CNTN5: variants seen among roughly 807,000 people sequenced by gnomAD.
CNTN5 encodes contactin-5.
In CNTN5, 77 loss-of-function variants were observed where a neutral mutation model predicts 129.1. The ratio of observed to expected loss-of-function variants is 0.60; its 90% CI spans 0.50 to 0.72. The LOEUF (loss-of-function observed/expected upper bound fraction) is 0.72, where lower values mean the gene tolerates loss of function less well. CNTN5 is among the 30% of genes least tolerant of loss of function. The pLI, the probability that CNTN5 is intolerant of heterozygous loss-of-function variation, is 0.00. For missense variants in CNTN5, 1,478 were observed against 1,328.8 expected (o/e 1.11, Z -1.75); for synonymous variants, 509 against 465.6 (o/e 1.09, Z -1.20).
intron 3 of CNTN5, among the ~76,000 whole-genome samples, chr11:99,564,009 T>A (rs1051001229): frequency 1.7e-4 from 26 of 152,196 alleles, no homozygotes; most frequent in Non-Finnish European, 3.1e-4. Flanking sequence ...GTGGGCTCAT[T>A]TTTTACTCTA....
At chr11:99,100,361 T>G (rs1565316864) in intron 1 of CNTN5, among the ~76,000 whole-genome samples, 2 of 152,144 alleles carry the variant, frequency 1.3e-5, no homozygotes, top group African/African-American at 4.8e-5. Context: ...AGAACAATAT[T>G]CTTCAACTTC....
At position 99,582,578 on chromosome 11, in the gene CNTN5, G is replaced by A. The variant is rs191217935; in HGVS notation, c.55+26309G>A. On this transcript the variant is annotated intron_variant, in intron 3 of 24. Coordinates refer to ENST00000524871, the MANE Select transcript of CNTN5 (RefSeq NM_014361.4). ...CTTCATGCTTCATTTCATTCATTTC[G>A]TCTTCCATCGCTGATACCCTTTCTT... Among the ~76,000 whole-genome samples, 385 of 151,522 alleles carry A rather than the reference G, an allele frequency of 2.5e-3. 1 individual carries two copies. The highest frequency in any genetic ancestry group is 0.019 in the South Asian group (91 of 4,778).
intron 20 of CNTN5, among the ~76,000 whole-genome samples, chr11:100,304,890 A>G (rs1005593112): frequency 1.3e-5 from 2 of 151,258 alleles, no homozygotes; most frequent in Non-Finnish European, 3.0e-5. Context: ...AATTAAGAAC[A>G]GGGTTTGGAA....
At chr11:99,979,544 G>A (rs1938206929) in intron 8 of CNTN5, among the ~76,000 whole-genome samples, 1 of 152,162 alleles carries the variant, frequency 6.6e-6, no homozygotes, top group Non-Finnish European at 1.5e-5. Flanking sequence ...AGGCTTCTAT[G>A]AAGGATACAT....
rs532223947 is a variant in CNTN5 at position 99,916,652 on chromosome 11, C to A, written c.673+503C>A. On this transcript the variant is annotated intron_variant, in intron 7 of 24. Coordinates refer to ENST00000524871, the MANE Select transcript of CNTN5 (RefSeq NM_014361.4). Reference sequence around the variant, plus strand: ...TTAGTACTTTTTGGCTCTTTGAGGTCTTGTTTGTAAAAGTCATGGTGAGTA... The same window carrying A: ...TTAGTACTTTTTGGCTCTTTGAGGTATTGTTTGTAAAAGTCATGGTGAGTA... Among the ~76,000 whole-genome samples the A allele has an allele frequency of 7.9e-5, 12 of 152,116 alleles. No homozygotes were observed. The South Asian group carries it at 2.3e-3, about 29-fold the overall frequency.
intron 9 of CNTN5, among the ~76,000 whole-genome samples, chr11:100,016,523 T>C (rs951918792): frequency 1.3e-5 from 2 of 152,082 alleles, no homozygotes; most frequent in African/African-American, 4.8e-5. Context: ...TGAATCTTCA[T>C]TATATCTAGG....
At chr11:100,315,568 G>A (rs1273912236) in intron 21 of CNTN5, among the ~76,000 whole-genome samples, 1 of 151,992 alleles carries the variant, frequency 6.6e-6, no homozygotes, top group African/African-American at 2.4e-5. Context: ...CATTTTAAAA[G>A]GTAACAATTA....
chr11:100,077,219 C>G (rs1476326674), intron 13 of CNTN5, among the ~76,000 whole-genome samples: 1 of 152,118 alleles, frequency 6.6e-6, no homozygotes, highest in African/African-American at 2.4e-5. Context: ...GTTAAGACTT[C>G]AAAAAGTTTG....
intron 3 of CNTN5, among the ~76,000 whole-genome samples, chr11:99,661,206 A>G (rs1045587988): frequency 2.0e-5 from 3 of 152,170 alleles, no homozygotes; most frequent in African/African-American, 7.2e-5. Context: ...TACTTAAATT[A>G]GGTCTGATAA....
intron 1 of CNTN5, among the ~76,000 whole-genome samples, chr11:99,205,010 C>A (rs1859404283): frequency 6.6e-6 from 1 of 151,994 alleles, no homozygotes; most frequent in Non-Finnish European, 1.5e-5. Flanking sequence ...CTCACTCAGT[C>A]CAAAATGTCA....
intron 1 of CNTN5, among the ~76,000 whole-genome samples, chr11:99,074,169 G>A (rs1031228622): frequency 6.6e-6 from 1 of 151,950 alleles, no homozygotes; most frequent in African/African-American, 2.4e-5. Context: ...GGCCACATAA[G>A]TGTATTCTTT....
intron 1 of CNTN5, among the ~76,000 whole-genome samples, chr11:99,073,581 G>A (rs922151707): frequency 6.6e-6 from 1 of 151,600 alleles, no homozygotes; most frequent in African/African-American, 2.4e-5. Context: ...CATGGTATAT[G>A]ATGTTCCCCT....
chr11:99,779,902 A>T (rs1945253660), intron 3 of CNTN5, among the ~76,000 whole-genome samples: 1 of 151,990 alleles, frequency 6.6e-6, no homozygotes, highest in Non-Finnish European at 1.5e-5. Context: ...GGCAATTCAG[A>T]TGCCACCCTT....
intron 3 of CNTN5, among the ~76,000 whole-genome samples, chr11:99,793,946 G>C (rs1185872879): frequency 1.3e-5 from 2 of 152,116 alleles, no homozygotes; most frequent in Non-Finnish European, 2.9e-5. Flanking sequence ...CTCAAGTGTT[G>C]AGTTCAGCTC....
chr11:99,101,904 TC>T (rs1423964009), intron 1 of CNTN5, among the ~76,000 whole-genome samples: 2 of 152,142 alleles, frequency 1.3e-5, no homozygotes, highest in African/African-American at 4.8e-5. Context: ...GGGGCATCAA[TC>T]CCACATTTGC....
At chr11:99,106,890 G>A (rs1867023362) in intron 1 of CNTN5, among the ~76,000 whole-genome samples, 1 of 151,890 alleles carries the variant, frequency 6.6e-6, no homozygotes, top group African/African-American at 2.4e-5. Context: ...TGTTTAATAA[G>A]GAAAGAAAAC....
chr11:99,411,094 A>G (rs1942370262), intron 2 of CNTN5, among the ~76,000 whole-genome samples: 1 of 152,240 alleles, frequency 6.6e-6, no homozygotes, highest in South Asian at 2.1e-4. Flanking sequence ...TATGAAATAA[A>G]GTTAATCAAT....
intron 1 of CNTN5, among the ~76,000 whole-genome samples, chr11:99,198,468 T>C (rs1328669653): frequency 2.0e-5 from 3 of 152,156 alleles, no homozygotes; most frequent in African/African-American, 4.8e-5. Flanking sequence ...ATTAGAATTA[T>C]GTATGCTCTG....
intron 1 of CNTN5, among the ~76,000 whole-genome samples, chr11:99,085,678 G>A (rs1865977522): frequency 6.6e-6 from 1 of 152,074 alleles, no homozygotes; most frequent in African/African-American, 2.4e-5. Context: ...TGGATAGTAA[G>A]AAAATTTTAT....
Sources: allele counts gnomAD v4.1 joint callset (sites outside exome capture counted in the v4.1 genomes callset), GRCh38; gene constraint gnomAD v4.1.1; transcripts MANE v1.5; gene names NCBI Gene and HGNC (gene_info 2026-07-23, HGNC 2026-07-21).